The following FER1L5 variants were observed in gnomAD, a reference collection of about 807,000 sequenced individuals.
The protein encoded by FER1L5 is fer-1-like protein 5.
Under a neutral mutation model 279.9 loss-of-function variants are expected in FER1L5, and 187 were observed. That is an observed-to-expected ratio of 0.67 (90% confidence interval 0.59 to 0.75). The LOEUF is 0.75. Among genes scored for constraint, FER1L5 ranks in the 30% least tolerant of loss-of-function variants. The pLI, the probability that FER1L5 is intolerant of heterozygous loss-of-function variation, is 0.00. For missense variants in FER1L5, 2,091 were observed against 2,594.4 expected, an observed-to-expected ratio of 0.81 and a Z score of 4.21; for synonymous variants, 921 against 989.7, an observed-to-expected ratio of 0.93 and a Z score of 1.30.
In FER1L5 at chr2:96,700,491, A is replaced by G. The variant is rs765860402; in HGVS notation, c.5070+20A>G. ...GACCAGGTATGAGACTGGAGGGGCC[A>G]CTCCTGGCTCCTACAGGAGGAGCTA... On this transcript the variant is annotated intron_variant, in intron 45 of 52. Coordinates refer to ENST00000624922, the MANE Select transcript of FER1L5 (RefSeq NM_001293083.2). 6 of 1,611,760 alleles carry G rather than the reference A, an allele frequency of 3.7e-6. No homozygotes were observed. Among genetic ancestry groups the G allele is most frequent in the South Asian group, 2.2e-5 (2 of 91,062 alleles).
Position 96,700,541 on chromosome 2 carries a change from C to T in FER1L5, c.5070+70C>T, listed in dbSNP as rs1232091152. ...AGATCAGGAGACAGAGATGCCTGTC[C>T]ACCCAGGACATAGTCCACGAGAGGA... On this transcript the variant is annotated intron_variant, in intron 45 of 52. Coordinates refer to ENST00000624922, the MANE Select transcript of FER1L5 (RefSeq NM_001293083.2). 5 of 1,595,366 alleles carry T rather than the reference C, an allele frequency of 3.1e-6. No homozygotes were observed. The African/African-American group carries it at 5.4e-5, about 17-fold the overall frequency.
Position 96,694,227 on chromosome 2 carries a change from T to C in FER1L5, c.3637-133T>C. On this transcript the variant is annotated intron_variant, in intron 33 of 52. Coordinates refer to ENST00000624922, the MANE Select transcript of FER1L5 (RefSeq NM_001293083.2). This position sits in a 1 kb window ranked among gnomAD's most constrained non-coding sequence, Gnocchi z 4.6. ...TGGTGACGCTGGCCTGACCAGCCTC[T>C]CCCCTAAGTCCCCCTGCCAGCCCCT... 7.7e-7 allele frequency: 1 copy of C among 1,293,584 alleles called. No homozygotes were observed. The highest frequency in any genetic ancestry group is 1.0e-6 in the Non-Finnish European group (1 of 964,548). 80.1% of individuals were successfully genotyped at this position (1,293,584 alleles called of 1,614,324 possible).
intron 19 of FER1L5, among the ~76,000 whole-genome samples, chr2:96,680,034 G>T (rs780862594): frequency 6.6e-6 from 1 of 152,006 alleles, no homozygotes; most frequent in Non-Finnish European, 1.5e-5. Flanking sequence ...CATGCTTCCC[G>T]CTGTCTGTCT....
At chr2:96,670,800 T>G (rs185140821) in intron 18 of FER1L5, among the ~76,000 whole-genome samples, 1 of 144,314 alleles carries the variant, frequency 6.9e-6, no homozygotes, top group African/African-American at 2.6e-5. Flanking sequence ...AAATAAAAAA[T>G]AAAAAATAAA....
At chr2:96,665,214 G>A (rs1220681170) in intron 14 of FER1L5, among the ~76,000 whole-genome samples, 1 of 152,174 alleles carries the variant, frequency 6.6e-6, no homozygotes, top group African/African-American at 2.4e-5. Flanking sequence ...AGGCACACAG[G>A]AATTTGTGTG....
chr2:96,672,946 G>A, intron 18 of FER1L5, 131 bp from the exon 19 acceptor site: 1 of 1,172,506 alleles, frequency 8.5e-7, no homozygotes. Context: ...GGGAGCCTCT[G>A]AAGGCCTTTG....
intron 31 of FER1L5, among the ~76,000 whole-genome samples, chr2:96,692,661 G>T (rs1479877581): frequency 6.6e-6 from 1 of 152,204 alleles, no homozygotes; most frequent in Non-Finnish European, 1.5e-5. Context: ...CAGAGGCGGA[G>T]GGGCCTGTGG....
At chr2:96,693,472 CAA>C in intron 31 of FER1L5, 32 bp from the exon 32 acceptor site, 2 of 1,531,696 alleles carry the variant, frequency 1.3e-6, no homozygotes, top group Non-Finnish European at 1.8e-6. Flanking sequence ...CTTCCCAGCT[CAA>C]GACACTGCTA....
In FER1L5 at chr2:96,646,148, G is replaced by A. The variant is rs558095303; in HGVS notation, c.86-253G>A. ...CAAGTAGCTGGGACTACAGGCGCCC[G>A]CCACCACGCCCGGCTAATTTTTTGT... On this transcript the variant is annotated intron_variant, in intron 1 of 52. Transcript: ENST00000624922. Among the ~76,000 whole-genome samples the A allele has an allele frequency of 1.3e-4, 20 of 151,990 alleles. No homozygotes were observed. In the East Asian group the frequency reaches 2.7e-3, roughly 21 times the overall value.
Position 96,703,596 on chromosome 2 carries a change from C to T in FER1L5, c.5765C>T (p.Ser1922Leu). The T allele has an allele frequency of 2.5e-6, 4 of 1,613,914 alleles. No individual in the cohort carries two copies. The highest frequency in any genetic ancestry group is 2.2e-5 in the South Asian group (2 of 91,082). The change falls in exon 51 of 53, where the codon TCG (serine) becomes TTG (leucine). Residue 1922 changes from serine (S) to leucine (L), a missense_variant. Physicochemically the swap from Ser to Leu is moderately radical, Grantham distance 145 (BLOSUM62 -2). Coordinates refer to ENST00000624922, the MANE Select transcript of FER1L5 (RefSeq NM_001293083.2). ...ALIKPAGRGQ[S>L]EPNQYPTLHP... ...ATCAAGCCAGCCGGGCGAGGCCAGTCGGAACCCAACCAGTACCCCACACTT... is the reference window on the plus strand; with the variant it reads ...ATCAAGCCAGCCGGGCGAGGCCAGTTGGAACCCAACCAGTACCCCACACTT...
intron 8 of FER1L5, 140 bp downstream of exon 8, chr2:96,653,842 C>T: frequency 1.6e-6 from 1 of 634,416 alleles, no homozygotes; most frequent in South Asian, 1.9e-5. Flanking sequence ...TTCTTCACCC[C>T]CTGGCACCCA....
At chr2:96,669,645 G>C (rs538519751) in intron 17 of FER1L5, among the ~76,000 whole-genome samples, 40 of 152,248 alleles carry the variant, frequency 2.6e-4, no homozygotes, top group Admixed American at 2.5e-3. Flanking sequence ...GCCACTAGGA[G>C]GTCCTCACTC....
intron 2 of FER1L5, 27 bp from the exon 3 acceptor site, chr2:96,647,037 A>G (rs1362959298): frequency 6.5e-7 from 1 of 1,545,668 alleles, no homozygotes; most frequent in Non-Finnish European, 8.8e-7. Flanking sequence ...CAGAGGGAGG[A>G]TGCTGACCTC....
intron 18 of FER1L5, among the ~76,000 whole-genome samples, 173 bp downstream of exon 18, chr2:96,670,420 ATGC>A (rs1373939810): frequency 6.6e-6 from 1 of 152,150 alleles, no homozygotes; most frequent in East Asian, 1.9e-4. Context: ...TAGTGGCTTC[ATGC>A]TGCACCAAAT....
intron 19 of FER1L5, among the ~76,000 whole-genome samples, chr2:96,677,426 G>A (rs1355248139): frequency 1.3e-5 from 2 of 152,148 alleles, no homozygotes; most frequent in Non-Finnish European, 2.9e-5. Context: ...TTGGCGTAAT[G>A]TTTTCCAGGT....
rs1271747130 is a variant in FER1L5, at chr2:96,702,731, A to T, written c.5387A>T (p.Gln1796Leu). 6.2e-7 allele frequency: 1 copy of T among 1,613,048 alleles called. No individual in the cohort carries two copies. The highest frequency in any genetic ancestry group is 8.5e-7 in the Non-Finnish European group (1 of 1,179,640). Residue 1796 changes from glutamine (Q) to leucine (L), a missense_variant, in exon 48 of 53, where the codon CAG becomes CTG. Transcript: ENST00000624922. The surrounding 1 kb of genome is among the most constrained non-coding windows in gnomAD (Gnocchi z 4.0). ...CTGGCGGCGGAGCGCACGTGTGTCC[A>T]GAGCCAGAAGGTAACAGGCCTGGGG... ...DYLAAERTCVQSQKDYIWSLD... is the reference protein window; with the variant it reads ...DYLAAERTCVLSQKDYIWSLD...
At chr2:96,668,727 G>A (rs1050074202) in intron 14 of FER1L5, 24 bp from the exon 15 acceptor site, 13 of 1,551,074 alleles carry the variant, frequency 8.4e-6, no homozygotes, top group Admixed American at 2.0e-5. Context: ...TGTACCCACC[G>A]CACCTCTCTC....
At chr2:96,644,464 A>C (rs765036283) in intron 1 of FER1L5, among the ~76,000 whole-genome samples, 12 of 152,100 alleles carry the variant, frequency 7.9e-5, no homozygotes, top group Non-Finnish European at 1.8e-4. Flanking sequence ...CCTGGGCGAA[A>C]AAGCAAGAGT....
In FER1L5 at chr2:96,670,105, C is replaced by T; in HGVS notation, c.1363-14C>T. ...TCTCACCCCTTTTCTCCGTTTTCCT[C>T]TCGCTTGCCCTAGTGTATTCCCGAC... On this transcript the variant is annotated splice_polypyrimidine_tract_variant and intron_variant, in intron 17 of 52. Coordinates refer to ENST00000624922, the MANE Select transcript of FER1L5 (RefSeq NM_001293083.2). 1.3e-6 allele frequency: 2 copies of T among 1,551,516 alleles called. No individual in the cohort carries two copies. Among genetic ancestry groups the T allele is most frequent in the South Asian group, 2.4e-5 (2 of 84,038 alleles).
Sources: allele counts gnomAD v4.1 joint callset (sites outside exome capture counted in the v4.1 genomes callset), GRCh38; gene constraint gnomAD v4.1.1; non-coding constraint Gnocchi (gnomAD v3.1); transcripts MANE v1.5; gene names NCBI Gene and HGNC (gene_info 2026-07-23, HGNC 2026-07-21).